RANBP10: variants seen among roughly 807,000 people sequenced by gnomAD.
RANBP10 encodes RAN binding protein 10.
Under a neutral mutation model 72.8 loss-of-function variants are expected in RANBP10, and 24 were observed. The ratio of observed to expected loss-of-function variants is 0.33; its 90% CI spans 0.24 to 0.46. The LOEUF (loss-of-function observed/expected upper bound fraction) is 0.46, where lower values mean the gene tolerates loss of function less well. Ranked by LOEUF, RANBP10 falls within the 20% of genes least tolerant of loss-of-function variation. RANBP10 has a pLI of 1.00. For synonymous variants in RANBP10, 310 were observed against 322.3 expected (o/e 0.96, Z 0.41); for missense variants, 679 against 817.5 (o/e 0.83, Z 2.07).
intron 3 of RANBP10, among the ~76,000 whole-genome samples, chr16:67,769,873 T>A (rs1396647500): frequency 6.7e-6 from 1 of 149,908 alleles, no homozygotes; most frequent in African/African-American, 2.5e-5. Context: ...TGAGACCAGC[T>A]GGGGCAATGC....
intron 4 of RANBP10, 97 bp downstream of exon 4, chr16:67,744,191 A>C: frequency 6.5e-7 from 1 of 1,528,280 alleles, no homozygotes; most frequent in Non-Finnish European, 8.8e-7. Context: ...CCCAGAGCTC[A>C]GCAGAGGCGA....
In RANBP10 at chr16:67,727,425, A is replaced by G; in HGVS notation, c.1634T>C (p.Leu545Pro). 1 of 1,613,630 alleles carries G rather than the reference A, an allele frequency of 6.2e-7. No homozygotes were observed. Among genetic ancestry groups the G allele is most frequent in the Non-Finnish European group, 8.5e-7 (1 of 1,179,738 alleles). ...HTEMLQDAFS[L>P]LAYSDPWSCP... ...GCTCCAGGGGTCTGAGTATGCCAGC[A>G]GGCTGAAGGCATCCTACAGGACAGG... Residue 545 changes from leucine (L) to proline (P), a missense_variant, in exon 13 of 14, where the codon CTG (leucine) becomes CCG (proline). Transcript: ENST00000317506.
At chr16:67,777,314 A>G (rs1187140348) in intron 2 of RANBP10, among the ~76,000 whole-genome samples, 3 of 152,174 alleles carry the variant, frequency 2.0e-5, no homozygotes, top group Admixed American at 2.0e-4. Context: ...AGGCGGGCAG[A>G]TCACAAGGTC....
At chr16:67,781,416 T>C (rs965246785) in intron 2 of RANBP10, among the ~76,000 whole-genome samples, 3 of 152,134 alleles carry the variant, frequency 2.0e-5, no homozygotes, top group Non-Finnish European at 4.4e-5. Flanking sequence ...GGGCTTTTAC[T>C]CCCGGAGCAG....
intron 3 of RANBP10, among the ~76,000 whole-genome samples, chr16:67,759,904 C>T (rs1034815273): frequency 6.6e-6 from 1 of 151,930 alleles, no homozygotes; most frequent in African/African-American, 2.4e-5. Context: ...ATCGAGACCA[C>T]CCTGGCTAAC....
In RANBP10 at chr16:67,727,887, T is replaced by C. The variant is rs761439025; in HGVS notation, c.1484A>G (p.His495Arg). Residue 495 changes from histidine (H) to arginine (R), a missense_variant, in exon 12 of 14, where the codon CAT (histidine) becomes CGT (arginine). By Grantham distance (29) the His-to-Arg change is conservative (BLOSUM62 0). Transcript: ENST00000317506. ...GCCCCCGCAGAGCTGCCGCCGAGGA[T>C]GCCTGTCATCTGCATCCAGAACCCA... ...QTDESSMDDR[H>R]PRRQLCGGNQ... 2 of 1,613,978 alleles carry C rather than the reference T, an allele frequency of 1.2e-6. No homozygotes were observed. The highest frequency in any genetic ancestry group is 3.3e-5 in the Admixed American group (2 of 60,024).
rs2054075580 is a variant in RANBP10, at chr16:67,746,274, G to A, written c.401-1819C>T. On this transcript the variant is annotated intron_variant, in intron 3 of 13. Coordinates refer to ENST00000317506, the MANE Select transcript of RANBP10 (RefSeq NM_020850.3). ...AGGCGAGCGGATCATGAGGTCAGGA[G>A]ATCAAGACCATCCTGGCTAACACGG... 2.0e-5 allele frequency among the ~76,000 whole-genome samples: 3 copies of A among 152,038 alleles called. No homozygotes were observed. In the South Asian group the frequency reaches 6.2e-4, roughly 32 times the overall value.
intron 3 of RANBP10, among the ~76,000 whole-genome samples, chr16:67,751,068 T>G (rs559728813): frequency 7.9e-4 from 121 of 152,260 alleles, no homozygotes; most frequent in Non-Finnish European, 1.3e-3. Flanking sequence ...GCCCAGCCCC[T>G]TTTTTCACTT....
intron 3 of RANBP10, among the ~76,000 whole-genome samples, chr16:67,762,116 T>A (rs1481392835): frequency 6.6e-6 from 1 of 151,766 alleles, no homozygotes; most frequent in Non-Finnish European, 1.5e-5. Context: ...AAACAAAAAT[T>A]AGCCAGATGT....
intron 3 of RANBP10, among the ~76,000 whole-genome samples, chr16:67,766,314 CA>C (rs1168503231): frequency 7.2e-5 from 11 of 152,104 alleles, no homozygotes; most frequent in Non-Finnish European, 1.2e-4. Context: ...TGGAAAGCAC[CA>C]AAAGGGATTC....
At chr16:67,784,584 A>C (rs2054873782) in intron 2 of RANBP10, among the ~76,000 whole-genome samples, 1 of 152,008 alleles carries the variant, frequency 6.6e-6, no homozygotes, top group Non-Finnish European at 1.5e-5. Context: ...TGGACCTGGG[A>C]GGTGAAGGTT....
At chr16:67,766,130 G>A (rs1241005490) in intron 3 of RANBP10, among the ~76,000 whole-genome samples, 2 of 152,134 alleles carry the variant, frequency 1.3e-5, no homozygotes, top group East Asian at 1.9e-4. Context: ...GCATCTCAAC[G>A]AAGAGCCTCT....
chr16:67,776,846 T>C lies in RANBP10; in HGVS notation c.348-4760A>G, dbSNP rs543540122. On this transcript the variant is annotated intron_variant, in intron 2 of 13. Transcript: ENST00000317506. ...CTCTATTTCTCACTTTTCAGTTGTA[T>C]TGCTACACACTTATAATGAACAATC... Among the ~76,000 whole-genome samples, 7 of 151,228 alleles carry C rather than the reference T, an allele frequency of 4.6e-5. No individual in the cohort carries two copies. The South Asian group carries it at 1.3e-3, about 27-fold the overall frequency.
At chr16:67,727,652 A>G in intron 12 of RANBP10, 99 bp downstream of exon 12, 1 of 1,561,202 alleles carries the variant, frequency 6.4e-7, no homozygotes. Context: ...ACCTGGCTGG[A>G]GCCCACTCTT....
chr16:67,786,186 A>G (rs984279234), intron 2 of RANBP10, among the ~76,000 whole-genome samples: 3 of 151,366 alleles, frequency 2.0e-5, no homozygotes, highest in Non-Finnish European at 4.4e-5. Context: ...AAATTTAGCC[A>G]GTCATGGTGG....
chr16:67,728,858 C>G (rs1306294891), intron 10 of RANBP10, among the ~76,000 whole-genome samples: 1 of 152,232 alleles, frequency 6.6e-6, no homozygotes, highest in Non-Finnish European at 1.5e-5. Context: ...GGTTGGAAGC[C>G]AAACTCAGGT....
Position 67,772,076 on chromosome 16 carries a change from T to C in RANBP10, c.358A>G (p.Ile120Val), listed in dbSNP as rs201928701. Residue 120 changes from isoleucine to valine, a missense_variant, in exon 3 of 14, where the codon ATA becomes GTA. Coordinates refer to ENST00000317506, the MANE Select transcript of RANBP10 (RefSeq NM_020850.3). ...TTGACGCCTTGAGCCGAGAGTCCTATTCCCATGTAACTTCAAAAAAAAAAA... is the reference window on the plus strand; with the variant it reads ...TTGACGCCTTGAGCCGAGAGTCCTACTCCCATGTAACTTCAAAAAAAAAAA... ...VSKGRDGYMG[I>V]GLSAQGVNMN... 5.6e-6 allele frequency: 9 copies of C among 1,593,920 alleles called. No homozygotes were observed. The highest frequency in any genetic ancestry group is 1.2e-5 in the South Asian group (1 of 86,680).
intron 4 of RANBP10, chr16:67,740,041 G>C (rs182912647): frequency 1.6e-4 from 25 of 151,772 alleles, no homozygotes; most frequent in African/African-American, 6.0e-4. Flanking sequence ...TGTCGCCCAG[G>C]CTGGAGTGCA....
At chr16:67,806,251 C>A in intron 1 of RANBP10, 51 bp downstream of exon 1, 2 of 1,502,244 alleles carry the variant, frequency 1.3e-6, no homozygotes, top group Non-Finnish European at 9.0e-7. Context: ...GCAGCAGAGC[C>A]ACCCCACGGA....
Sources: gnomAD v4.1 joint callset for allele counts (sites outside exome capture counted in the v4.1 genomes callset) on GRCh38, gnomAD v4.1.1 for gene constraint, MANE v1.5 for transcripts, NCBI Gene and HGNC (gene_info 2026-07-23, HGNC 2026-07-21) for gene names.